OGT: variants seen among roughly 807,000 people sequenced by gnomAD.
OGT encodes the protein O-linked N-acetylglucosamine (GlcNAc) transferase.
A neutral mutation model predicts 75.8 loss-of-function variants in OGT; 3 were observed. The observed-to-expected ratio is 0.04, with a 90% CI of 0.02 to 0.10. OGT has a LOEUF of 0.10. OGT is among the 10% of genes least tolerant of loss of function. The pLI, the probability that OGT is intolerant of heterozygous loss-of-function variation, is 1.00. For synonymous variants in OGT, 257 were observed against 289.7 expected, an observed-to-expected ratio of 0.89 and a Z score of 1.15; for missense variants, 260 against 824.4, an observed-to-expected ratio of 0.32 and a Z score of 8.38.
rs2040262330 is a variant in OGT at position 71,546,778 on chromosome X, T to C, written c.532-1129T>C. On this transcript the variant is annotated intron_variant, in intron 4 of 21. Coordinates refer to ENST00000373719, the MANE Select transcript of OGT (RefSeq NM_181672.3). ...GCATTCTGCTCTTCTGATGATGCGC[T>C]GTGACCCTGCAGTAGCGCAAAGGCT... The C allele has an allele frequency of 5.3e-6, 4 of 753,992 alleles. No individual in the cohort carries two copies. The African/African-American group carries it at 9.2e-5, about 17-fold the overall frequency. 62.1% of individuals were successfully genotyped at this position (753,992 alleles called of 1,213,427 possible).
intron 3 of OGT, among the ~76,000 whole-genome samples, chrX:71,540,587 G>A (rs1358916445): frequency 9.0e-6 from 1 of 110,994 alleles, no homozygotes; most frequent in Non-Finnish European, 1.9e-5. Flanking sequence ...CTTTGAGACA[G>A]CTATCTCATT....
intron 14 of OGT, 85 bp downstream of exon 14, chrX:71,559,762 G>A: frequency 1.4e-6 from 1 of 709,304 alleles, no homozygotes; most frequent in Non-Finnish European, 2.1e-6. Flanking sequence ...TTGATGATAA[G>A]TATTAAATGC....
intron 5 of OGT, 28 bp downstream of exon 5, chrX:71,548,051 T>A: frequency 8.4e-7 from 1 of 1,190,401 alleles, no homozygotes; most frequent in Non-Finnish European, 1.1e-6. Context: ...TAATTGGTAT[T>A]TTTGAAGTGC....
chrX:71,552,584 T>C (rs2040313589), intron 5 of OGT, among the ~76,000 whole-genome samples: 1 of 110,524 alleles, frequency 9.0e-6, no homozygotes, highest in African/African-American at 3.3e-5. Context: ...GAGACAGGGC[T>C]TTGCCATGTT....
At chrX:71,552,858 A>AGG (rs1238706753) in intron 5 of OGT, among the ~76,000 whole-genome samples, 1 of 110,824 alleles carries the variant, frequency 9.0e-6, no homozygotes, top group African/African-American at 3.3e-5. Flanking sequence ...ATCTGCGAAG[A>AGG]GGGGGAGTAA....
chrX:71,569,630 A>G (rs867775704), intron 21 of OGT, among the ~76,000 whole-genome samples: 1 of 111,202 alleles, frequency 9.0e-6, no homozygotes, highest in Middle Eastern at 4.2e-3. Flanking sequence ...AGCAGGGACC[A>G]TAGGACTATA....
chrX:71,549,266 A>G (rs1225765289), intron 5 of OGT, among the ~76,000 whole-genome samples: 2 of 88,696 alleles, frequency 2.3e-5, no homozygotes, highest in African/African-American at 8.5e-5. Context: ...ACTGCACTCC[A>G]GCCTGGGTGA....
chrX:71,533,296 C>A lies in OGT; in HGVS notation c.-4C>A, dbSNP rs1355117938. On this transcript the variant is annotated 5_prime_UTR_variant, in exon 1 of 22. Transcript: ENST00000373719. ...CTTTTTTGCTCTCCCTCGAGAAGCTCCAGATGGCGTCTTCCGTGGGCAACG... is the reference window on the plus strand; with the variant it reads ...CTTTTTTGCTCTCCCTCGAGAAGCTACAGATGGCGTCTTCCGTGGGCAACG... 8.3e-7 allele frequency: 1 copy of A among 1,199,630 alleles called. No individual in the cohort carries two copies.
intron 5 of OGT, among the ~76,000 whole-genome samples, chrX:71,549,647 G>A (rs939920486): frequency 1.8e-5 from 2 of 110,965 alleles, no homozygotes; most frequent in African/African-American, 6.6e-5. Context: ...GTAGCTATGC[G>A]TGGTGACACA....
chrX:71,536,076 AT>A, intron 1 of OGT, 101 bp from the exon 2 acceptor site: 1 of 698,045 alleles, frequency 1.4e-6, no homozygotes, highest in Non-Finnish European at 2.1e-6. Flanking sequence ...AAGCATTTCC[AT>A]TTTTAAGTTA....
chrX:71,552,578 CAG>C (rs1337045084), intron 5 of OGT, among the ~76,000 whole-genome samples: 1 of 110,061 alleles, frequency 9.1e-6, no homozygotes, highest in Admixed American at 9.7e-5. Flanking sequence ...TTAGTGGAGA[CAG>C]GGCTTTGCCA....
chrX:71,573,353 C>T (rs1030551579), intron 21 of OGT, among the ~76,000 whole-genome samples: 5 of 112,012 alleles, frequency 4.5e-5, no homozygotes, highest in Admixed American at 9.5e-5. Context: ...AGAAACAAGA[C>T]GAAATGGAGA....
chrX:71,557,971 T>C (rs1371106119), intron 12 of OGT, among the ~76,000 whole-genome samples: 1 of 110,284 alleles, frequency 9.1e-6, no homozygotes. Context: ...TCTTTTTTTT[T>C]TGAGACGGGG....
At chrX:71,541,086 A>C (rs2040215277) in intron 3 of OGT, among the ~76,000 whole-genome samples, 1 of 111,909 alleles carries the variant, frequency 8.9e-6, no homozygotes, top group African/African-American at 3.3e-5. Context: ...TTTGCAAATT[A>C]TGTATAAAAT....
intron 4 of OGT, 71 bp from the exon 5 acceptor site, chrX:71,547,836 T>TC (rs748407104): frequency 5.7e-5 from 65 of 1,132,724 alleles, no homozygotes; most frequent in East Asian, 3.4e-5. Context: ...CTTTTTTTTT[T>TC]CCCTTTACAA....
intron 19 of OGT, among the ~76,000 whole-genome samples, chrX:71,567,259 A>G (rs376210955): frequency 1.8e-5 from 2 of 112,409 alleles, no homozygotes; most frequent in African/African-American, 6.4e-5. Flanking sequence ...CAATTCCCGC[A>G]GGAGGTAGCT....
chrX:71,559,467 A>C (rs750754225), intron 13 of OGT, 42 bp downstream of exon 13: 9 of 1,165,526 alleles, frequency 7.7e-6, no homozygotes, highest in Non-Finnish European at 7.0e-6. Flanking sequence ...TGTTTAAAAA[A>C]GAAAAAACCC....
chrX:71,564,865 A>AT (rs1339894519), intron 19 of OGT, 112 bp downstream of exon 19: 135 of 632,655 alleles, frequency 2.1e-4, no homozygotes, highest in Admixed American at 3.0e-4. Flanking sequence ...TCTTTTTAAA[A>AT]TTTTTTTTTG....
At chrX:71,556,841 C>A in intron 9 of OGT, 61 bp downstream of exon 9, 2 of 1,029,395 alleles carry the variant, frequency 1.9e-6, no homozygotes, top group Non-Finnish European at 1.3e-6. Context: ...GTTTGACATT[C>A]GGCACATTGC....
Sources: allele counts gnomAD v4.1 joint callset (sites outside exome capture counted in the v4.1 genomes callset), GRCh38; gene constraint gnomAD v4.1.1; transcripts MANE v1.5; gene names NCBI Gene and HGNC (gene_info 2026-07-23, HGNC 2026-07-21).